The following DNAI2 variants were observed in gnomAD, a reference collection of about 807,000 sequenced individuals.
DNAI2 encodes the protein dynein axonemal intermediate chain 2.
A neutral mutation model predicts 74.7 loss-of-function variants in DNAI2; 63 were observed. The ratio of observed to expected loss-of-function variants is 0.84; its 90% CI spans 0.69 to 1.04. The LOEUF (loss-of-function observed/expected upper bound fraction) is 1.04. Ranked by LOEUF, DNAI2 falls within the 50% of genes least tolerant of loss-of-function variation. The probability of loss-of-function intolerance (pLI) is 0.00; values close to 1 mark genes in which losing one functional copy is unlikely to be tolerated. For synonymous variants in DNAI2, 289 were observed against 314.9 expected (o/e 0.92, Z 0.87); for missense variants, 688 against 803.2 (o/e 0.86, Z 1.73).
intron 1 of DNAI2, among the ~76,000 whole-genome samples, chr17:74,277,153 G>A (rs34608668): frequency 0.1 from 15,794 of 152,144 alleles, 1,086 homozygotes; most frequent in Non-Finnish European, 0.15. Context: ...TTGGGAGGCC[G>A]AGGTGGGCGG....
In DNAI2 at chr17:74,289,745, C is replaced by G. The variant is rs751280204; in HGVS notation, c.610+9C>G. On this transcript the variant is annotated intron_variant, in intron 5 of 13. Coordinates refer to ENST00000311014, the MANE Select transcript of DNAI2 (RefSeq NM_023036.6). ...ATACATCTGGGACCTGGGTGAGAAG[C>G]AGCGGGGTCCTGGTGGCCTGGGAGG... 1.9e-6 allele frequency: 3 copies of G among 1,613,780 alleles called. No individual in the cohort carries two copies. In the South Asian group the frequency reaches 3.3e-5, roughly 18 times the overall value.
chr17:74,288,256 A>G (rs2051870707), intron 4 of DNAI2, among the ~76,000 whole-genome samples: 1 of 152,214 alleles, frequency 6.6e-6, no homozygotes, highest in Non-Finnish European at 1.5e-5. Flanking sequence ...GCTTTGTGCT[A>G]GGTGATTTTG....
intron 4 of DNAI2, among the ~76,000 whole-genome samples, chr17:74,287,890 G>A (rs1306533348): frequency 6.6e-6 from 1 of 151,876 alleles, no homozygotes; most frequent in Admixed American, 6.6e-5. Flanking sequence ...GGGAGGCGGA[G>A]GTTGCAGTGA....
rs542544011 is a variant in DNAI2, at chr17:74,277,938, A to G, written c.-12+3593A>G. Among the ~76,000 whole-genome samples, 3 of 152,352 alleles carry G rather than the reference A, an allele frequency of 2.0e-5. No individual in the cohort carries two copies. In the South Asian group the frequency reaches 6.2e-4, roughly 32 times the overall value. On this transcript the variant is annotated intron_variant, in intron 1 of 13. Transcript: ENST00000311014. The stretch of plus-strand genomic sequence containing the variant: ...ATTGCCTGGAGAATTAAAGAAAAAA[A>G]GCATATACTGATGAGAGATTCTGAT...
chr17:74,307,989 G>T (rs1042261330), intron 9 of DNAI2, among the ~76,000 whole-genome samples: 6 of 151,958 alleles, frequency 3.9e-5, no homozygotes, highest in African/African-American at 1.5e-4. Context: ...GTAGAGGCAG[G>T]GTTCTGCCAT....
At chr17:74,304,231 G>T in intron 8 of DNAI2, among the ~76,000 whole-genome samples, 1 of 97,598 alleles carries the variant, frequency 1.0e-5, no homozygotes, top group Admixed American at 1.7e-4. Context: ...GCCTTGCTCT[G>T]TAGGCCAGGC....
At chr17:74,288,447 AT>A (rs1448882266) in intron 4 of DNAI2, among the ~76,000 whole-genome samples, 1 of 152,242 alleles carries the variant, frequency 6.6e-6, no homozygotes, top group African/African-American at 2.4e-5. Flanking sequence ...AAATATATGC[AT>A]ATGTGTATGT....
chr17:74,285,327 C>A (rs1436646515), intron 3 of DNAI2, 126 bp downstream of exon 3: 2 of 1,192,780 alleles, frequency 1.7e-6, no homozygotes. Context: ...GGGAAGGGGA[C>A]CAGCTGCTAC....
intron 9 of DNAI2, among the ~76,000 whole-genome samples, chr17:74,308,521 C>T (rs2053314250): frequency 6.6e-6 from 1 of 151,998 alleles, no homozygotes; most frequent in Admixed American, 6.6e-5. Flanking sequence ...GTGCCCAGAG[C>T]CCTTTCTTTA....
intron 2 of DNAI2, among the ~76,000 whole-genome samples, chr17:74,282,547 C>T (rs968406207): frequency 2.6e-5 from 4 of 152,162 alleles, no homozygotes; most frequent in Admixed American, 2.0e-4. Flanking sequence ...GTAGTCCTCC[C>T]GCCTTGGCCT....
chr17:74,291,138 G>T lies in DNAI2; in HGVS notation c.724+5G>T, dbSNP rs1316162201. 1 of 1,592,694 alleles carries T rather than the reference G, an allele frequency of 6.3e-7. No individual in the cohort carries two copies. The highest frequency in any genetic ancestry group is 8.6e-7 in the Non-Finnish European group (1 of 1,160,496). The stretch of plus-strand genomic sequence containing the variant: ...GCTGCTACAATGGACAGATAGGTAA[G>T]GAGGGACCTAGGCTTTTTTATTTTT... On this transcript the variant is annotated splice_donor_5th_base_variant and intron_variant, in intron 6 of 13. Transcript: ENST00000311014.
intron 2 of DNAI2, among the ~76,000 whole-genome samples, chr17:74,282,942 G>A (rs986604386): frequency 6.6e-6 from 1 of 152,248 alleles, no homozygotes; most frequent in Non-Finnish European, 1.5e-5. Flanking sequence ...CTCCCCCGGG[G>A]ATGAGAAGGA....
At chr17:74,313,982 C>A in intron 12 of DNAI2, 139 bp from the exon 13 acceptor site, 1 of 1,408,192 alleles carries the variant, frequency 7.1e-7, no homozygotes, top group Non-Finnish European at 9.9e-7. Flanking sequence ...GCAGAGCTGG[C>A]ACCCGGGTTC....
intron 1 of DNAI2, among the ~76,000 whole-genome samples, chr17:74,276,270 G>A (rs757748358): frequency 6.6e-5 from 10 of 152,118 alleles, no homozygotes; most frequent in Non-Finnish European, 1.2e-4. Context: ...TGCGGGAGAC[G>A]CCTGAATCTT....
chr17:74,289,055 G>GA (rs763825658), intron 4 of DNAI2, among the ~76,000 whole-genome samples: 62 of 152,232 alleles, frequency 4.1e-4, no homozygotes, highest in Non-Finnish European at 1.2e-4. Context: ...AGCACAGCAA[G>GA]AAAGAACTCT....
intron 8 of DNAI2, among the ~76,000 whole-genome samples, chr17:74,302,807 T>C (rs1019349884): frequency 1.3e-5 from 2 of 152,092 alleles, no homozygotes; most frequent in Admixed American, 1.3e-4. Flanking sequence ...TGGGCCATCA[T>C]TCCTAGGGCT....
intron 11 of DNAI2, among the ~76,000 whole-genome samples, chr17:74,311,300 A>G (rs2053508449): frequency 5.3e-5 from 8 of 152,138 alleles, no homozygotes; most frequent in Admixed American, 5.2e-4. Flanking sequence ...AACCATGGGG[A>G]ACACTGTGGA....
intron 4 of DNAI2, 150 bp downstream of exon 4, chr17:74,287,248 C>G: frequency 7.6e-7 from 1 of 1,317,620 alleles, no homozygotes; most frequent in Non-Finnish European, 1.1e-6. Flanking sequence ...ATAAGTCACC[C>G]AGCAGAGAAG....
rs148781636 is a variant in DNAI2, at chr17:74,277,309, C to T, written c.-12+2964C>T. On this transcript the variant is annotated intron_variant, in intron 1 of 13. Transcript: ENST00000311014. ...CTGAGGCAGGAGAATCGCTTGCACC[C>T]GGGAGACGGAGTTTGCAATGAGCCT... is the stretch of plus-strand genomic sequence containing the variant. 8.3e-3 allele frequency among the ~76,000 whole-genome samples: 1,249 copies of T among 150,142 alleles called. 18 individuals are homozygous for T. Among genetic ancestry groups the T allele is most frequent in the African/African-American group, 0.029 (1,184 of 40,724 alleles).
Sources: allele counts gnomAD v4.1 joint callset (sites outside exome capture counted in the v4.1 genomes callset), GRCh38; gene constraint gnomAD v4.1.1; transcripts MANE v1.5; gene names NCBI Gene and HGNC (gene_info 2026-07-23, HGNC 2026-07-21).